The following FST variants were observed in gnomAD, a reference collection of about 807,000 sequenced individuals.
FST encodes the protein follistatin, also known as activin-binding protein.
In FST, 6 loss-of-function variants were observed where a neutral mutation model predicts 38.4. That is an observed-to-expected ratio of 0.16 (90% CI 0.09 to 0.31). FST has a LOEUF of 0.31. Ranked by LOEUF, FST falls within the 10% of genes least tolerant of loss-of-function variation. FST has a pLI of 1.00. For missense variants in FST, 301 were observed against 432.3 expected, an observed-to-expected ratio of 0.70 and a Z score of 2.69; for synonymous variants, 157 against 169.8, an observed-to-expected ratio of 0.92 and a Z score of 0.59.
At chr5:53,485,524 G>A (rs1270941342) in intron 5 of FST, among the ~76,000 whole-genome samples, 4 of 148,726 alleles carry the variant, frequency 2.7e-5, no homozygotes, top group African/African-American at 1.0e-4. Context: ...TAACATTTGA[G>A]TCTAAACTAA....
intron 5 of FST, 129 bp downstream of exon 5, chr5:53,485,356 C>G (rs1747485791): frequency 3.1e-6 from 2 of 635,786 alleles, no homozygotes; most frequent in African/African-American, 1.8e-5. Context: ...TGCTAAGTAT[C>G]ACCAGCAATT....
rs550920212 is a variant in FST at position 53,486,088 on chromosome 5, A to G, written c.*55A>G. The G allele has an allele frequency of 2.8e-4, 255 of 904,664 alleles. 2 individuals carry two copies. Among genetic ancestry groups the G allele is most frequent in the Admixed American group, 5.6e-4 (21 of 37,532 alleles). The allele number at this position is 904,664 out of a possible 1,614,324, so 56.0% of individuals were successfully genotyped here. A position where few individuals can be genotyped will look rare whatever the true frequency, so the allele number is the denominator to read the frequency against. On this transcript the variant is annotated 3_prime_UTR_variant, in exon 6 of 6. Coordinates refer to ENST00000256759, the MANE Select transcript of FST (RefSeq NM_013409.3). ...GCCTTTGTGCAAAAAAAAAAAAAAA[A>G]AAAAAGAAAAAGAAAAAAAGAAAAA...
intron 4 of FST, 150 bp from the exon 5 acceptor site, chr5:53,484,847 A>G: frequency 5.2e-6 from 3 of 571,808 alleles, no homozygotes; most frequent in Non-Finnish European, 9.4e-6. Flanking sequence ...TTTGCATAAT[A>G]TCTCCATTAC....
At chr5:53,485,583 T>C (rs1747503551) in intron 5 of FST, 1 of 759,186 alleles carries the variant, frequency 1.3e-6, no homozygotes, top group Non-Finnish European at 2.3e-6. Context: ...CTTCATATTA[T>C]CACACATGGG....
chr5:53,482,357 ATCTCTCC>A (rs914624674), intron 1 of FST, among the ~76,000 whole-genome samples: 5 of 122,116 alleles, frequency 4.1e-5, no homozygotes, highest in African/African-American at 1.3e-4. Flanking sequence ...TCTCCCCTCC[ATCTCTCC>A]TCTCTCCTCT....
chr5:53,482,136 A>C (rs963784283), intron 1 of FST, among the ~76,000 whole-genome samples: 1 of 152,184 alleles, frequency 6.6e-6, no homozygotes, highest in African/African-American at 2.4e-5. Flanking sequence ...CTGCGCCTGG[A>C]GGCCGCGCGG....
At chr5:53,482,049 T>A (rs1747248118) in intron 1 of FST, among the ~76,000 whole-genome samples, 1 of 152,216 alleles carries the variant, frequency 6.6e-6, no homozygotes, top group Non-Finnish European at 1.5e-5. Context: ...AAAGCAGCCC[T>A]CGGAGATTTC....
At position 53,485,209 on chromosome 5, in the gene FST, C is replaced by T. The variant is rs1747475397; in HGVS notation, c.934C>T (p.His312Tyr). ...CTCAGGTGTGCTACTGGAAGTAAAG[C>T]ACTCCGGATCTTGCAACTGTAAGTG... ...CSSGVLLEVKHSGSCNSISED... is the reference protein window; with the variant it reads ...CSSGVLLEVKYSGSCNSISED... The change falls in exon 5 of 6, where the codon CAC (histidine) becomes TAC (tyrosine). Residue 312 changes from histidine (H) to tyrosine (Y), a missense_variant. His to Tyr is a moderately conservative substitution (Grantham distance 83). Coordinates refer to ENST00000256759, the MANE Select transcript of FST (RefSeq NM_013409.3). 6.3e-7 allele frequency: 1 copy of T among 1,595,216 alleles called. No homozygotes were observed. Among genetic ancestry groups the T allele is most frequent in the Admixed American group, 1.7e-5 (1 of 59,962 alleles).
chr5:53,484,112 G>C lies in FST; in HGVS notation c.540G>C (p.Val180=). ...TCTGTCCAGGCAGCTCCACATGTGT[G>C]GTGGACCAGACCAATAATGCCTACT... ...DVFCPGSSTC[V]VDQTNNAYCV... Residue 180 remains valine (V), a synonymous_variant, in exon 4 of 6, where the codon GTG becomes GTC. Transcript: ENST00000256759. 1.2e-6 allele frequency: 2 copies of C among 1,611,132 alleles called. No homozygotes were observed. The highest frequency in any genetic ancestry group is 1.7e-6 in the Non-Finnish European group (2 of 1,177,268).
chr5:53,481,599 C>G (rs1425146540), intron 1 of FST, among the ~76,000 whole-genome samples: 4 of 151,082 alleles, frequency 2.6e-5, no homozygotes, highest in Non-Finnish European at 5.9e-5. Flanking sequence ...CCATAACTGA[C>G]TTAAATTCTG....
intron 5 of FST, 90 bp downstream of exon 5, chr5:53,485,317 T>A: frequency 1.4e-6 from 1 of 719,412 alleles, no homozygotes; most frequent in Non-Finnish European, 2.5e-6. Flanking sequence ...AGATCTCCCA[T>A]AAATCCATTT....
rs142944881 is a variant in FST at position 53,481,536 on chromosome 5, C to T, written c.85+660C>T. 6.2e-3 allele frequency among the ~76,000 whole-genome samples: 897 copies of T among 143,736 alleles called. 6 individuals carry two copies. The highest frequency in any genetic ancestry group is 0.018 in the East Asian group (88 of 4,788). The allele number at this position is 143,736 out of a possible 152,430, so 94.3% of individuals were successfully genotyped here. On this transcript the variant is annotated intron_variant, in intron 1 of 5. Coordinates refer to ENST00000256759, the MANE Select transcript of FST (RefSeq NM_013409.3). ...TTGAGCACTTTACAGTTTTTTTCCC[C>T]TCTGCCTCATTCTTCTTTCTGACCC...
At chr5:53,481,310 G>A (rs1747188517) in intron 1 of FST, among the ~76,000 whole-genome samples, 1 of 151,146 alleles carries the variant, frequency 6.6e-6, no homozygotes, top group Admixed American at 6.6e-5. Context: ...AAACCTGGGG[G>A]TTTGGGGGAG....
chr5:53,483,931 T>A lies in FST; in HGVS notation c.497-138T>A. 2 of 740,214 alleles carry A rather than the reference T, an allele frequency of 2.7e-6. No homozygotes were observed. Among genetic ancestry groups the A allele is most frequent in the South Asian group, 3.7e-5 (2 of 54,194 alleles). 45.9% of individuals were successfully genotyped at this position (740,214 alleles called of 1,614,324 possible). A position where few individuals can be genotyped will look rare whatever the true frequency, so the allele number is the denominator to read the frequency against. On this transcript the variant is annotated intron_variant, in intron 3 of 5. Coordinates refer to ENST00000256759, the MANE Select transcript of FST (RefSeq NM_013409.3). The surrounding 1 kb of genome is among the most constrained non-coding windows in gnomAD (Gnocchi z 4.1). ...GGGACCAACCTAGTCATAGATTCTC[T>A]CTTGAAAACTACAGGGCTCCCTAAG...
At chr5:53,485,351 A>C in intron 5 of FST, 124 bp downstream of exon 5, 1 of 642,238 alleles carries the variant, frequency 1.6e-6, no homozygotes, top group Non-Finnish European at 2.8e-6. Context: ...GTAGCTGCTA[A>C]GTATCACCAG....
rs1244033899 is a variant in FST, at chr5:53,484,990, A to G, written c.722-7A>G. 7.0e-7 allele frequency: 1 copy of G among 1,435,618 alleles called. No individual in the cohort carries two copies. The highest frequency in any genetic ancestry group is 9.8e-7 in the Non-Finnish European group (1 of 1,016,834). 88.9% of individuals were successfully genotyped at this position (1,435,618 alleles called of 1,614,324 possible). A position where few individuals can be genotyped will look rare whatever the true frequency, so the allele number is the denominator to read the frequency against. ...AGTTTACTCATCACAGATGTATTAT[A>G]TCCTAGAAGCAAAGTCCTGTGAAGA... On this transcript the variant is annotated splice_polypyrimidine_tract_variant and splice_region_variant and intron_variant, in intron 4 of 5. Coordinates refer to ENST00000256759, the MANE Select transcript of FST (RefSeq NM_013409.3).
chr5:53,483,786 G>C lies in FST; in HGVS notation c.496+64G>C. ...CTCCTCCAGCTTTGTACCTAAAGTA[G>C]ACCCTCTAGAAGACCCTTGGGGGAT... On this transcript the variant is annotated intron_variant, in intron 3 of 5. Transcript: ENST00000256759. This position sits in a 1 kb window ranked among gnomAD's most constrained non-coding sequence, Gnocchi z 4.1. 8.2e-7 allele frequency: 1 copy of C among 1,220,762 alleles called. No individual in the cohort carries two copies. Among genetic ancestry groups the C allele is most frequent in the East Asian group, 2.3e-5 (1 of 42,720 alleles). 75.6% of individuals were successfully genotyped at this position (1,220,762 alleles called of 1,614,324 possible).
At chr5:53,485,660 A>G (rs1480918603) in intron 5 of FST, 3 of 1,460,974 alleles carry the variant, frequency 2.1e-6, no homozygotes, top group Admixed American at 3.3e-5. Flanking sequence ...TACCTAGAAC[A>G]CAAGAGCGCT....
chr5:53,484,315 A>G lies in FST; in HGVS notation c.721+22A>G. On this transcript the variant is annotated intron_variant, in intron 4 of 5. Coordinates refer to ENST00000256759, the MANE Select transcript of FST (RefSeq NM_013409.3). ...ATCAGTAGGTATTCTGGATTGAGGA[A>G]GGAAAAAGAGAAAACAGGCTAGTTC... 2.5e-6 allele frequency: 4 copies of G among 1,608,738 alleles called. No individual in the cohort carries two copies. In the South Asian group the frequency reaches 4.4e-5, roughly 18 times the overall value.
Sources: allele counts gnomAD v4.1 joint callset (sites outside exome capture counted in the v4.1 genomes callset), GRCh38; gene constraint gnomAD v4.1.1; non-coding constraint Gnocchi (gnomAD v3.1); transcripts MANE v1.5; gene names NCBI Gene and HGNC (gene_info 2026-07-23, HGNC 2026-07-21).